The following LRP1B variants were observed in gnomAD, a reference collection of about 807,000 sequenced individuals.
LRP1B encodes the protein low-density lipoprotein receptor-related protein 1B.
In LRP1B, 217 loss-of-function variants were observed where a neutral mutation model predicts 556.6. The observed-to-expected ratio is 0.39, with a 90% CI of 0.35 to 0.44. The LOEUF (loss-of-function observed/expected upper bound fraction) is 0.44, where lower values mean the gene tolerates loss of function less well. Among genes scored for constraint, LRP1B ranks in the 20% least tolerant of loss-of-function variants. LRP1B has a pLI of 1.00. For synonymous variants in LRP1B, 2,047 were observed against 1,865.8 expected (o/e 1.10, Z -2.50); for missense variants, 5,053 against 5,620.8 (o/e 0.90, Z 3.23).
intron 2 of LRP1B, among the ~76,000 whole-genome samples, chr2:141,579,462 C>T (rs111254663): frequency 0.028 from 4,221 of 152,062 alleles, 213 homozygotes; most frequent in African/African-American, 0.094. Flanking sequence ...GAGAAGTCAA[C>T]GGGGAGTGTC....
intron 3 of LRP1B, among the ~76,000 whole-genome samples, chr2:141,314,318 A>G (rs553272805): frequency 1.6e-4 from 24 of 152,324 alleles, no homozygotes; most frequent in African/African-American, 5.8e-4. Context: ...TCTTAAACAT[A>G]AATGCAATTA....
chr2:142,118,740 A>T (rs534660834), intron 1 of LRP1B, among the ~76,000 whole-genome samples: 2 of 152,210 alleles, frequency 1.3e-5, no homozygotes, highest in African/African-American at 4.8e-5. Context: ...ATTTACTTAG[A>T]TTAATTTATT....
intron 32 of LRP1B, among the ~76,000 whole-genome samples, chr2:140,782,611 A>G (rs1323216346): frequency 6.6e-6 from 1 of 152,174 alleles, no homozygotes; most frequent in Admixed American, 6.5e-5. Flanking sequence ...GCAAAATAAT[A>G]CATTCACTAA....
intron 7 of LRP1B, among the ~76,000 whole-genome samples, chr2:141,171,505 T>C (rs1347966705): frequency 6.6e-6 from 1 of 152,114 alleles, no homozygotes; most frequent in Non-Finnish European, 1.5e-5. Flanking sequence ...AACTTAGAGC[T>C]GTCTCATGTT....
At chr2:141,046,990 G>C (rs568962042) in intron 11 of LRP1B, among the ~76,000 whole-genome samples, 5 of 152,062 alleles carry the variant, frequency 3.3e-5, no homozygotes, top group Non-Finnish European at 7.4e-5. Context: ...GCTGAGGCAA[G>C]GGAATCACTT....
intron 66 of LRP1B, among the ~76,000 whole-genome samples, chr2:140,424,952 T>A (rs1018704237): frequency 2.6e-5 from 4 of 152,208 alleles, no homozygotes; most frequent in African/African-American, 9.6e-5. Context: ...TAAAGTAGAA[T>A]TTAATAACAT....
chr2:141,238,608 A>G (rs1683744989), intron 5 of LRP1B, among the ~76,000 whole-genome samples: 1 of 152,172 alleles, frequency 6.6e-6, no homozygotes, highest in South Asian at 2.1e-4. Context: ...CATAAAAAAG[A>G]TAATAAGCAA....
At chr2:141,437,284 T>A (rs1680796320) in intron 3 of LRP1B, among the ~76,000 whole-genome samples, 1 of 152,048 alleles carries the variant, frequency 6.6e-6, no homozygotes, top group Non-Finnish European at 1.5e-5. Flanking sequence ...TAATTGAGAA[T>A]CAGGAGGATA....
At chr2:141,519,627 C>T (rs778623164) in intron 2 of LRP1B, among the ~76,000 whole-genome samples, 14 of 151,802 alleles carry the variant, frequency 9.2e-5, no homozygotes, top group East Asian at 1.9e-4. Flanking sequence ...TACTAGAACT[C>T]GAATTTAGAT....
At chr2:140,613,318 TATAA>T (rs1450603061) in intron 41 of LRP1B, among the ~76,000 whole-genome samples, 3 of 143,340 alleles carry the variant, frequency 2.1e-5, no homozygotes, top group African/African-American at 7.6e-5. Context: ...TATATAATTA[TATAA>T]ATATATATAA....
At chr2:140,374,192 T>A (rs1307420362) in intron 68 of LRP1B, among the ~76,000 whole-genome samples, 1 of 152,204 alleles carries the variant, frequency 6.6e-6, no homozygotes, top group Non-Finnish European at 1.5e-5. Context: ...ACACTCTGGT[T>A]GAAGTGGAAT....
chr2:142,016,664 A>G (rs1360716214), intron 1 of LRP1B, among the ~76,000 whole-genome samples: 1 of 148,532 alleles, frequency 6.7e-6, no homozygotes, highest in Non-Finnish European at 1.5e-5. Context: ...AACATCATAC[A>G]CTGGGGCCTG....
intron 41 of LRP1B, among the ~76,000 whole-genome samples, chr2:140,634,865 T>C (rs946009548): frequency 2.0e-5 from 3 of 152,090 alleles, no homozygotes; most frequent in East Asian, 1.9e-4. Flanking sequence ...AAATGTAATG[T>C]TGTATCCTGG....
chr2:141,047,941 T>G (rs1161679468), intron 11 of LRP1B, among the ~76,000 whole-genome samples: 4 of 152,116 alleles, frequency 2.6e-5, no homozygotes, highest in Non-Finnish European at 4.4e-5. Context: ...TTGCTTCCTG[T>G]GAATATCCAT....
At chr2:141,301,885 A>C (rs754643665) in intron 3 of LRP1B, among the ~76,000 whole-genome samples, 15 of 152,188 alleles carry the variant, frequency 9.9e-5, no homozygotes, top group Non-Finnish European at 1.6e-4. Context: ...AAAACAGACC[A>C]TTGTGGGTGA....
intron 66 of LRP1B, among the ~76,000 whole-genome samples, chr2:140,424,180 A>G (rs1685564198): frequency 6.6e-6 from 1 of 152,196 alleles, no homozygotes; most frequent in South Asian, 2.1e-4. Flanking sequence ...GGGCTTCCTT[A>G]AAAAAGATAA....
chr2:140,901,431 C>T (rs148720643), intron 23 of LRP1B, among the ~76,000 whole-genome samples: 1 of 151,608 alleles, frequency 6.6e-6, no homozygotes, highest in African/African-American at 2.4e-5. Flanking sequence ...TCTTTTACCC[C>T]CTGTGCCAAT....
chr2:140,475,906 T>C (rs2105349038), intron 59 of LRP1B, among the ~76,000 whole-genome samples: 1 of 152,116 alleles, frequency 6.6e-6, no homozygotes, highest in African/African-American at 2.4e-5. Flanking sequence ...ACCATGTGTG[T>C]CTAGTGGTCA....
At position 141,476,357 on chromosome 2, in the gene LRP1B, G is replaced by A. The variant is rs377638412; in HGVS notation, c.343+4039C>T. ...CTTCCATCATTCTTTATATGGTTGT[G>A]TGCATTTCTGTGGAAATTTTCTGGA... On this transcript the variant is annotated intron_variant, in intron 3 of 90. Coordinates refer to ENST00000389484, the MANE Select transcript of LRP1B (RefSeq NM_018557.3). 4.9e-4 allele frequency among the ~76,000 whole-genome samples: 75 copies of A among 152,232 alleles called. No homozygotes were observed. In the East Asian group the frequency reaches 8.7e-3, roughly 18 times the overall value.
Sources: allele counts gnomAD v4.1 joint callset (sites outside exome capture counted in the v4.1 genomes callset), GRCh38; gene constraint gnomAD v4.1.1; transcripts MANE v1.5; gene names NCBI Gene and HGNC (gene_info 2026-07-23, HGNC 2026-07-21).